Variants in MIPOL1 observed in about 807,000 individuals in gnomAD.
MIPOL1 encodes the protein mirror-image polydactyly 1.
A neutral mutation model predicts 60.9 loss-of-function variants in MIPOL1; 57 were observed. The ratio of observed to expected loss-of-function variants is 0.94; its 90% CI spans 0.76 to 1.17. MIPOL1 has a LOEUF of 1.17. Ranked by LOEUF, MIPOL1 falls within the 50% of genes most tolerant of loss-of-function variation. The pLI, the probability that MIPOL1 is intolerant of heterozygous loss-of-function variation, is 0.00. For missense variants in MIPOL1, 551 were observed against 511.6 expected (o/e 1.08, Z -0.74); for synonymous variants, 179 against 168.8 (o/e 1.06, Z -0.47).
intron 6 of MIPOL1, among the ~76,000 whole-genome samples, chr14:37,284,671 G>A (rs538853275): frequency 6.6e-6 from 1 of 152,268 alleles, no homozygotes; most frequent in East Asian, 1.9e-4. Context: ...TACTAATTGT[G>A]TCTATTCATA....
intron 10 of MIPOL1, among the ~76,000 whole-genome samples, chr14:37,421,597 A>G (rs1001023514): frequency 6.6e-5 from 10 of 152,238 alleles, no homozygotes; most frequent in Admixed American, 2.6e-4. Flanking sequence ...ATTATGGACT[A>G]TGTCATGTTA....
At chr14:37,395,915 G>A (rs1284165214) in intron 10 of MIPOL1, among the ~76,000 whole-genome samples, 1 of 152,084 alleles carries the variant, frequency 6.6e-6, no homozygotes, top group Non-Finnish European at 1.5e-5. Context: ...TGTGTTAGAT[G>A]AGTCTCCTGA....
At chr14:37,509,097 C>T (rs939650245) in intron 12 of MIPOL1, among the ~76,000 whole-genome samples, 3 of 151,954 alleles carry the variant, frequency 2.0e-5, no homozygotes, top group Non-Finnish European at 4.4e-5. Flanking sequence ...ACACAATTCC[C>T]GGGAATGTCA....
At chr14:37,445,697 A>G (rs2094322866) in intron 11 of MIPOL1, among the ~76,000 whole-genome samples, 1 of 151,804 alleles carries the variant, frequency 6.6e-6, no homozygotes, top group Admixed American at 6.6e-5. Flanking sequence ...AGTAACCAAA[A>G]CAGCATGGTA....
intron 12 of MIPOL1, among the ~76,000 whole-genome samples, chr14:37,542,091 A>C (rs1210396149): frequency 1.3e-5 from 2 of 152,084 alleles, no homozygotes; most frequent in African/African-American, 2.4e-5. Context: ...CACTTTTATC[A>C]TACCATTACA....
At chr14:37,201,282 A>G (rs1240717574) in intron 1 of MIPOL1, among the ~76,000 whole-genome samples, 14 of 152,150 alleles carry the variant, frequency 9.2e-5, no homozygotes, top group Admixed American at 9.2e-4. Flanking sequence ...TTGGTTTACC[A>G]GTTTTACCTT....
At chr14:37,455,097 G>A (rs896158016) in intron 11 of MIPOL1, among the ~76,000 whole-genome samples, 1 of 151,998 alleles carries the variant, frequency 6.6e-6, no homozygotes, top group Non-Finnish European at 1.5e-5. Flanking sequence ...ACTATCTGCT[G>A]GACATTTTCA....
chr14:37,295,068 C>T (rs1329323551), intron 7 of MIPOL1, among the ~76,000 whole-genome samples: 1 of 152,176 alleles, frequency 6.6e-6, no homozygotes, highest in African/African-American at 2.4e-5. Context: ...GGTTGGGTTA[C>T]CCACAAAGGG....
At chr14:37,440,896 T>C (rs1955946) in intron 11 of MIPOL1, among the ~76,000 whole-genome samples, 28,256 of 152,096 alleles carry the variant, frequency 0.19, 5,231 homozygotes, top group African/African-American at 0.47. Context: ...TATGAGTTCG[T>C]TTATGTCTGC....
At chr14:37,222,341 G>C (rs1968938698) in intron 1 of MIPOL1, among the ~76,000 whole-genome samples, 1 of 150,540 alleles carries the variant, frequency 6.6e-6, no homozygotes, top group African/African-American at 2.4e-5. Context: ...TCCCACCTCA[G>C]CCTCCTGAGT....
At chr14:37,229,810 A>C (rs1366686031) in intron 1 of MIPOL1, among the ~76,000 whole-genome samples, 3 of 152,212 alleles carry the variant, frequency 2.0e-5, no homozygotes, top group African/African-American at 7.2e-5. Flanking sequence ...TTTTACATTA[A>C]AACTATATAT....
chr14:37,512,339 C>CA (rs2095334853), intron 12 of MIPOL1, among the ~76,000 whole-genome samples: 1 of 152,106 alleles, frequency 6.6e-6, no homozygotes, highest in Non-Finnish European at 1.5e-5. Context: ...CATAGTGTCA[C>CA]ACAAGGGTTC....
intron 3 of MIPOL1, among the ~76,000 whole-genome samples, chr14:37,256,462 G>T (rs1437915417): frequency 1.3e-5 from 2 of 151,874 alleles, no homozygotes; most frequent in African/African-American, 4.8e-5. Context: ...TCTATTTTAA[G>T]TAGATCAGAT....
chr14:37,292,464 A>C (rs1346368463), intron 7 of MIPOL1, among the ~76,000 whole-genome samples: 2 of 82,102 alleles, frequency 2.4e-5, no homozygotes, highest in Admixed American at 1.7e-4. Context: ...TCCTTAATAA[A>C]CTTTTTTTTT....
intron 1 of MIPOL1, among the ~76,000 whole-genome samples, chr14:37,236,973 C>A (rs1193661398): frequency 6.6e-6 from 1 of 152,124 alleles, no homozygotes; most frequent in African/African-American, 2.4e-5. Flanking sequence ...GGGAATGCCT[C>A]TTGCCTGGGC....
intron 3 of MIPOL1, among the ~76,000 whole-genome samples, chr14:37,266,687 C>T (rs1259869622): frequency 6.6e-6 from 1 of 152,094 alleles, no homozygotes; most frequent in South Asian, 2.1e-4. Context: ...ACTATAAAAG[C>T]CCCCAGGTCC....
chr14:37,248,785 A>G (rs542396217), intron 3 of MIPOL1, among the ~76,000 whole-genome samples: 1 of 152,262 alleles, frequency 6.6e-6, no homozygotes, highest in East Asian at 1.9e-4. Flanking sequence ...GGAGAAAGAC[A>G]TAGATCAGAA....
chr14:37,489,266 G>T (rs1238281614), intron 11 of MIPOL1, among the ~76,000 whole-genome samples: 1 of 152,054 alleles, frequency 6.6e-6, no homozygotes, highest in Admixed American at 6.6e-5. Context: ...TGATACTTGT[G>T]TATGTATCAC....
At chr14:37,254,811 C>T (rs940996744) in intron 3 of MIPOL1, among the ~76,000 whole-genome samples, 5 of 151,764 alleles carry the variant, frequency 3.3e-5, no homozygotes, top group Admixed American at 6.6e-5. Context: ...GAAGAATGAG[C>T]ATGAAAAATG....
Sources: gnomAD v4.1 joint callset for allele counts (sites outside exome capture counted in the v4.1 genomes callset) on GRCh38, gnomAD v4.1.1 for gene constraint, MANE v1.5 for transcripts, NCBI Gene and HGNC (gene_info 2026-07-23, HGNC 2026-07-21) for gene names.